TEDC1: variants seen among roughly 807,000 people sequenced by gnomAD.
TEDC1 encodes tubulin epsilon and delta complex protein 1.
Under a neutral mutation model 59.9 loss-of-function variants are expected in TEDC1, and 54 were observed. The ratio of observed to expected loss-of-function variants is 0.90; its 90% confidence interval spans 0.72 to 1.13. The LOEUF is 1.13. Among genes scored for constraint, TEDC1 ranks in the 50% most tolerant of loss-of-function variants. TEDC1 has a pLI of 0.00. For missense variants in TEDC1, 734 were observed against 683.4 expected (o/e 1.07, Z -0.83); for synonymous variants, 353 against 298.1 (o/e 1.18, Z -1.90).
intron 5 of TEDC1, chr14:105,494,727 A>G (rs1555440165): frequency 6.6e-6 from 1 of 152,202 alleles, no homozygotes; most frequent in South Asian, 2.1e-4. Context: ...TTCCCCAGGG[A>G]TGGCCGCTTC....
intron 5 of TEDC1, 72 bp from the exon 6 acceptor site, chr14:105,495,807 GC>G: frequency 7.9e-7 from 1 of 1,267,686 alleles, no homozygotes; most frequent in Non-Finnish European, 1.1e-6. Flanking sequence ...TGGAAGTGAG[GC>G]CCCGCCCTCT....
At position 105,498,946 on chromosome 14, in the gene TEDC1, A is replaced by G. The variant is rs371734454; in HGVS notation, c.1488A>G (p.Ter496TrpextTer60). The stretch of plus-strand genomic sequence containing the variant: ...TCTGGATCCCGCCACCTGGACGCTG[A>G]GGGCCTGTCGACGGGCCCTCGTGTG... ...GLIWIPPPGR* is the reference protein window; with the variant it reads ...GLIWIPPPGRW The change falls in exon 9 of 9, where the codon TGA (stop) becomes TGG (tryptophan). Residue 496 changes from the stop codon to tryptophan (W), a stop_lost. Coordinates refer to ENST00000392523, the MANE Select transcript of TEDC1 (RefSeq NM_001367178.1). The G allele has an allele frequency of 1.0e-5, 16 of 1,598,928 alleles. No individual in the cohort carries two copies. In the African/African-American group the frequency reaches 1.7e-4, roughly 17 times the overall value.
At position 105,492,184 on chromosome 14, in the gene TEDC1, G is replaced by T; in HGVS notation, c.304G>T (p.Asp102Tyr). 1 of 1,613,004 alleles carries T rather than the reference G, an allele frequency of 6.2e-7. No individual in the cohort carries two copies. Among genetic ancestry groups the T allele is most frequent in the Non-Finnish European group, 8.5e-7 (1 of 1,179,896 alleles). ...PRLALAQLPE[D>Y]GSQGSRELLL... ...GCTGGCACTGGCACAACTACCTGAG[G>T]ATGGCTCGCAGGGCAGTCGGGAGCT... Residue 102 changes from aspartate (D) to tyrosine (Y), a missense_variant, in exon 3 of 9, where the codon GAT becomes TAT. By Grantham distance (160) the Asp-to-Tyr change is radical. Coordinates refer to ENST00000392523, the MANE Select transcript of TEDC1 (RefSeq NM_001367178.1).
At chr14:105,492,515 A>T in intron 3 of TEDC1, 64 bp from the exon 4 acceptor site, 1 of 1,511,566 alleles carries the variant, frequency 6.6e-7, no homozygotes, top group Non-Finnish European at 8.8e-7. Context: ...TACCGTCTCC[A>T]TCCTGGCCTT....
At chr14:105,493,595 T>TG (rs587626683) in intron 4 of TEDC1, among the ~76,000 whole-genome samples, 544 of 152,018 alleles carry the variant, frequency 3.6e-3, no homozygotes, top group Non-Finnish European at 5.9e-3. Context: ...CTGGGCGGGG[T>TG]GGGGAGGCCA....
rs782331484 is a variant in TEDC1, at chr14:105,498,951, C to T, written c.*5C>T. 5.0e-6 allele frequency: 8 copies of T among 1,595,064 alleles called. No individual in the cohort carries two copies. The highest frequency in any genetic ancestry group is 6.0e-6 in the Non-Finnish European group (7 of 1,170,544). On this transcript the variant is annotated 3_prime_UTR_variant, in exon 9 of 9. Transcript: ENST00000392523. ...ATCCCGCCACCTGGACGCTGAGGGC[C>T]TGTCGACGGGCCCTCGTGTGGGAAG...
At chr14:105,492,076 G>T (rs1172530423) in intron 2 of TEDC1, 31 bp from the exon 3 acceptor site, 1 of 1,559,096 alleles carries the variant, frequency 6.4e-7, no homozygotes, top group East Asian at 2.4e-5. Flanking sequence ...CAGGTGGGTG[G>T]TCCCCCTAAG....
At position 105,497,877 on chromosome 14, in the gene TEDC1, G is replaced by A. The variant is rs149522435; in HGVS notation, c.1058G>A (p.Arg353His). The change falls in exon 8 of 9, where the codon CGC becomes CAC. Residue 353 changes from arginine (R) to histidine (H), a missense_variant. By Grantham distance (29) the Arg-to-His change is conservative (BLOSUM62 0). Transcript: ENST00000392523. The part of the protein sequence containing the change: ...QPTFLPWVPE[R>H]GGGELDLVVR... ...ACCTTCCTGCCCTGGGTCCCCGAGCGCGGGGGTGGCGAGTTGGACCTGGTA... is the reference window on the plus strand; with the variant it reads ...ACCTTCCTGCCCTGGGTCCCCGAGCACGGGGGTGGCGAGTTGGACCTGGTA... 6.9e-5 allele frequency: 107 copies of A among 1,559,836 alleles called. No individual in the cohort carries two copies. Among genetic ancestry groups the A allele is most frequent in the African/African-American group, 5.7e-4 (42 of 73,892 alleles).
In TEDC1 at chr14:105,492,274, C is replaced by T. The variant is rs782614506; in HGVS notation, c.394C>T (p.Arg132Ter). Reference protein sequence around the residue: ...PVPEQMLAQARVPLGDEMTVC... With the variant: ...PVPEQMLAQA ...GCCCGAGCAGATGCTGGCCCAGGCC[C>T]GAGTGCCTCTGGGTGACGAGATGAC... Residue 132 changes from arginine to a stop codon, truncating the protein, a stop_gained, in exon 3 of 9, where the codon CGA (arginine) becomes TGA (stop). Transcript: ENST00000392523. LOFTEE classifies it high-confidence loss of function. 2.7e-5 allele frequency: 44 copies of T among 1,608,158 alleles called. No homozygotes were observed. The highest frequency in any genetic ancestry group is 4.5e-5 in the East Asian group (2 of 44,892).
intron 1 of TEDC1, 33 bp from the exon 2 acceptor site, chr14:105,491,589 C>G: frequency 6.5e-7 from 1 of 1,548,256 alleles, no homozygotes; most frequent in Non-Finnish European, 8.7e-7. Context: ...GTTGGGCCGG[C>G]TCCGCTGACC....
chr14:105,492,342 C>G (rs781894445), intron 3 of TEDC1, 33 bp downstream of exon 3: 6 of 1,594,160 alleles, frequency 3.8e-6, no homozygotes, highest in Non-Finnish European at 4.2e-6. Context: ...TGAGCCAGCC[C>G]TGGTCTCAAC....
chr14:105,498,319 TCCTGGTGGCCA>T (rs1294544134), intron 8 of TEDC1, among the ~76,000 whole-genome samples: 4 of 152,316 alleles, frequency 2.6e-5, no homozygotes, highest in African/African-American at 9.6e-5. Context: ...CCGTCTAACC[TCCTGGTGGCCA>T]CCTGGGCCTC....
intron 4 of TEDC1, among the ~76,000 whole-genome samples, chr14:105,492,938 G>T (rs2084250408): frequency 6.6e-6 from 1 of 152,174 alleles, no homozygotes; most frequent in Non-Finnish European, 1.5e-5. Context: ...GCCCAGTGGG[G>T]TGGGCAATGG....
rs781918053 is a variant in TEDC1 at position 105,498,792 on chromosome 14, A to G, written c.1334A>G (p.Asp445Gly). ...RREDGAAGDR[D>G]LRAAVVIRTL... The stretch of plus-strand genomic sequence containing the variant: ...GAGGATGGGGCAGCAGGGGACCGGG[A>G]CCTGCGGGCAGCTGTGGTGATCAGG... Residue 445 changes from aspartate (D) to glycine (G), a missense_variant, in exon 9 of 9, where the codon GAC (aspartate) becomes GGC (glycine). By Grantham distance (94) the Asp-to-Gly change is moderately conservative. Coordinates refer to ENST00000392523, the MANE Select transcript of TEDC1 (RefSeq NM_001367178.1). 6.3e-7 allele frequency: 1 copy of G among 1,584,456 alleles called. No individual in the cohort carries two copies. The highest frequency in any genetic ancestry group is 8.6e-7 in the Non-Finnish European group (1 of 1,166,732).
chr14:105,496,970 G>A, intron 6 of TEDC1: 2 of 300,978 alleles, frequency 6.6e-6, no homozygotes, highest in South Asian at 6.9e-5. Context: ...CATTCAGTGA[G>A]GGCTGTGGGG....
Position 105,498,922 on chromosome 14 carries a change from C to G in TEDC1, c.1464C>G (p.Ile488Met), listed in dbSNP as rs782342763. ...ARLVGARPGLIWIPPPGR is the reference protein window; with the variant it reads ...ARLVGARPGLMWIPPPGR The stretch of plus-strand genomic sequence containing the variant: ...TGGTGGGAGCCCGCCCTGGTCTCAT[C>G]TGGATCCCGCCACCTGGACGCTGAG... Residue 488 changes from isoleucine to methionine, a missense_variant, in exon 9 of 9, where the codon ATC becomes ATG. Transcript: ENST00000392523. The G allele has an allele frequency of 6.2e-7, 1 of 1,607,614 alleles. No individual in the cohort carries two copies. Among genetic ancestry groups the G allele is most frequent in the Non-Finnish European group, 8.5e-7 (1 of 1,177,298 alleles).
At chr14:105,491,003 G>T (rs587700251), upstream of TEDC1, 13 of 1,546,168 alleles carry the variant, frequency 8.4e-6, no homozygotes, top group African/African-American at 1.1e-4. Flanking sequence ...CCCGGAAGTG[G>T]GTCCGCACGA....
At chr14:105,496,359 C>T in intron 6 of TEDC1, 1 of 479,406 alleles carries the variant, frequency 2.1e-6, no homozygotes, top group Non-Finnish European at 3.8e-6. Context: ...CGCCCACAGA[C>T]CTCCCTGTCC....
At chr14:105,495,815 C>G in intron 5 of TEDC1, 65 bp from the exon 6 acceptor site, 7 of 1,328,304 alleles carry the variant, frequency 5.3e-6, no homozygotes, top group Non-Finnish European at 7.2e-6. Flanking sequence ...AGGCCCCGCC[C>G]TCTCCCCGAA....
Sources: gnomAD v4.1 joint callset for allele counts (sites outside exome capture counted in the v4.1 genomes callset) on GRCh38, gnomAD v4.1.1 for gene constraint, MANE v1.5 for transcripts, NCBI Gene and HGNC (gene_info 2026-07-23, HGNC 2026-07-21) for gene names.